The following NDST4 variants were observed in gnomAD, a reference collection of about 807,000 sequenced individuals.
NDST4 encodes N-heparan sulfate sulfotransferase 4.
A neutral mutation model predicts 100.8 loss-of-function variants in NDST4; 63 were observed. The observed-to-expected ratio is 0.62, with a 90% CI of 0.51 to 0.77. The LOEUF is 0.77. NDST4 is among the 30% of genes least tolerant of loss of function. The probability of loss-of-function intolerance (pLI) is 0.00; values close to 1 mark genes in which losing one functional copy is unlikely to be tolerated. For missense variants in NDST4, 943 were observed against 1,018.4 expected (o/e 0.93, Z 1.01); for synonymous variants, 377 against 361.8 (o/e 1.04, Z -0.48).
chr4:114,850,106 T>C (rs551155208), intron 8 of NDST4, among the ~76,000 whole-genome samples: 1 of 152,240 alleles, frequency 6.6e-6, no homozygotes, highest in East Asian at 1.9e-4. Context: ...AAAGATAGAT[T>C]TGAGACACAC....
At chr4:115,027,997 G>A (rs1728026346) in intron 2 of NDST4, among the ~76,000 whole-genome samples, 1 of 151,952 alleles carries the variant, frequency 6.6e-6, no homozygotes, top group East Asian at 1.9e-4. Flanking sequence ...AGTTTGCGAT[G>A]AGGAGAGATT....
intron 3 of NDST4, among the ~76,000 whole-genome samples, chr4:114,975,705 C>T (rs1296638274): frequency 3.9e-5 from 6 of 152,062 alleles, no homozygotes; most frequent in African/African-American, 1.2e-4. Flanking sequence ...AATGACTTTC[C>T]TTACAATCTA....
chr4:115,092,747 G>C (rs1008878237), intron 1 of NDST4, among the ~76,000 whole-genome samples: 6 of 151,922 alleles, frequency 3.9e-5, no homozygotes, highest in Non-Finnish European at 5.9e-5. Context: ...ATCAAAACTA[G>C]TAGTGGAGAA....
At chr4:115,097,664 A>G (rs1234751733) in intron 1 of NDST4, among the ~76,000 whole-genome samples, 1 of 152,054 alleles carries the variant, frequency 6.6e-6, no homozygotes, top group Non-Finnish European at 1.5e-5. Context: ...TTTTTTCCCA[A>G]TACATTGACC....
intron 4 of NDST4, among the ~76,000 whole-genome samples, chr4:114,940,637 T>C (rs1171991696): frequency 6.6e-6 from 1 of 152,110 alleles, no homozygotes; most frequent in South Asian, 2.1e-4. Flanking sequence ...GGATGGCTTG[T>C]TTAACAGCTC....
chr4:114,954,754 C>T (rs1028252525), intron 4 of NDST4, among the ~76,000 whole-genome samples: 20 of 151,958 alleles, frequency 1.3e-4, no homozygotes, highest in African/African-American at 4.1e-4. Context: ...TAATCTCCAG[C>T]GTTGGAGATG....
chr4:114,867,347 AT>A (rs1724048272), intron 7 of NDST4, among the ~76,000 whole-genome samples: 2 of 152,144 alleles, frequency 1.3e-5, no homozygotes, highest in South Asian at 4.1e-4. Context: ...CAGCAAAGGG[AT>A]TAACCACCTA....
chr4:114,929,166 A>G (rs1725460160), intron 6 of NDST4, among the ~76,000 whole-genome samples: 4 of 149,948 alleles, frequency 2.7e-5, no homozygotes, highest in Admixed American at 2.0e-4. Context: ...CTATCTATGT[A>G]TCTAAATCCT....
At chr4:115,013,533 T>C (rs900584077) in intron 2 of NDST4, among the ~76,000 whole-genome samples, 11 of 151,698 alleles carry the variant, frequency 7.3e-5, no homozygotes, top group African/African-American at 2.7e-4. Flanking sequence ...TTAGGGACTA[T>C]AGAGACTGAC....
chr4:114,837,977 G>C (rs1325013540), intron 11 of NDST4, among the ~76,000 whole-genome samples: 1 of 151,982 alleles, frequency 6.6e-6, no homozygotes, highest in Non-Finnish European at 1.5e-5. Flanking sequence ...AAATTTATAA[G>C]AAAAAAACAA....
chr4:115,011,726 CTTTA>C (rs749194474), intron 2 of NDST4, among the ~76,000 whole-genome samples: 68 of 151,926 alleles, frequency 4.5e-4, no homozygotes, highest in South Asian at 1.7e-3. Context: ...ATAGAACTTA[CTTTA>C]TTTTATATTC....
intron 1 of NDST4, among the ~76,000 whole-genome samples, chr4:115,089,232 T>C (rs1009381101): frequency 2.0e-5 from 3 of 151,964 alleles, no homozygotes; most frequent in African/African-American, 4.8e-5. Context: ...GGATATAAAA[T>C]GGTTTATATT....
At chr4:115,080,532 G>T (rs963185715) in intron 1 of NDST4, among the ~76,000 whole-genome samples, 1 of 152,114 alleles carries the variant, frequency 6.6e-6, no homozygotes, top group African/African-American at 2.4e-5. Context: ...TTACTAAAAA[G>T]AAATGGAATA....
rs184892434 is a variant in NDST4 at position 114,987,624 on chromosome 4, T to C, written c.979-10350A>G. Among the ~76,000 whole-genome samples, 1,138 of 152,218 alleles carry C rather than the reference T, an allele frequency of 7.5e-3. 15 individuals carry two copies. The highest frequency in any genetic ancestry group is 0.017 in the Middle Eastern group (5 of 292). ...TCACTATAAATTTGGGTCTATAAAATTAAATGTCTGTGAAAAAATAATTGT... is the reference window on the plus strand; with the variant it reads ...TCACTATAAATTTGGGTCTATAAAACTAAATGTCTGTGAAAAAATAATTGT... On this transcript the variant is annotated intron_variant, in intron 2 of 13. Transcript: ENST00000264363.
intron 6 of NDST4, among the ~76,000 whole-genome samples, chr4:114,886,099 CAA>C (rs1229426440): frequency 6.6e-6 from 1 of 151,978 alleles, no homozygotes; most frequent in African/African-American, 2.4e-5. Flanking sequence ...TGCTATATTT[CAA>C]AAGACTTCAA....
chr4:114,974,182 T>C (rs1274134758), intron 3 of NDST4, among the ~76,000 whole-genome samples: 1 of 152,152 alleles, frequency 6.6e-6, no homozygotes, highest in East Asian at 1.9e-4. Flanking sequence ...GTAAACTGTG[T>C]TCAAATGCTG....
chr4:114,834,513 CAAAAAAA>C (rs869097688), intron 11 of NDST4, among the ~76,000 whole-genome samples: 9 of 63,856 alleles, frequency 1.4e-4, no homozygotes, highest in Admixed American at 8.4e-4. Context: ...GACTCCATCT[CAAAAAAA>C]AAAAAAAAAA....
chr4:115,023,186 G>T (rs116021126), intron 2 of NDST4, among the ~76,000 whole-genome samples: 1 of 151,988 alleles, frequency 6.6e-6, no homozygotes, highest in Non-Finnish European at 1.5e-5. Context: ...AATCTCCACT[G>T]AAGAACGTAT....
At chr4:115,003,226 T>C (rs1159520628) in intron 2 of NDST4, among the ~76,000 whole-genome samples, 1 of 151,950 alleles carries the variant, frequency 6.6e-6, no homozygotes, top group African/African-American at 2.4e-5. Flanking sequence ...TGCATATGTA[T>C]CCCAGAACTT....
Sources: allele counts gnomAD v4.1 joint callset (sites outside exome capture counted in the v4.1 genomes callset), GRCh38; gene constraint gnomAD v4.1.1; transcripts MANE v1.5; gene names NCBI Gene and HGNC (gene_info 2026-07-23, HGNC 2026-07-21).